TMEM101: variants seen among roughly 807,000 people sequenced by gnomAD.
The protein encoded by TMEM101 is transmembrane protein 101.
TMEM101 carries 14 observed loss-of-function variants against 26.0 expected under a neutral mutation model. That is an observed-to-expected ratio of 0.54 (90% CI 0.36 to 0.84). TMEM101 has a LOEUF of 0.84. Ranked by LOEUF, TMEM101 falls within the 40% of genes least tolerant of loss-of-function variation. The pLI, the probability that TMEM101 is intolerant of heterozygous loss-of-function variation, is 0.01. For missense variants in TMEM101, 292 were observed against 345.1 expected, an observed-to-expected ratio of 0.85 and a Z score of 1.22; for synonymous variants, 152 against 145.1, an observed-to-expected ratio of 1.05 and a Z score of -0.34.
In TMEM101 at chr17:44,012,078, A is replaced by G; in HGVS notation, c.624T>C (p.Ala208=). 2.5e-6 allele frequency: 4 copies of G among 1,614,264 alleles called. No individual in the cohort carries two copies. The highest frequency in any genetic ancestry group is 3.4e-6 in the Non-Finnish European group (4 of 1,180,050). Residue 208 remains alanine (A), a synonymous_variant, in exon 4 of 4, where the codon GCT becomes GCC. Coordinates refer to ENST00000206380, the MANE Select transcript of TMEM101 (RefSeq NM_032376.4). The part of the protein sequence containing the change: ...YYVTLAAQIL[A]VLLPPVMLLI... ...GCAGCATGACAGGGGGCAGCAGTAC[A>G]GCCAGGATCTGGGCAGCGAGGGTCA...
At chr17:44,016,567 A>AGATGCTC (rs1167680770), upstream of TMEM101, among the ~76,000 whole-genome samples, 1 of 152,168 alleles carries the variant, frequency 6.6e-6, no homozygotes, top group Non-Finnish European at 1.5e-5. Flanking sequence ...TACTGTTTAC[A>AGATGCTC]GATGCTCCTT....
intron 1 of TMEM101, among the ~76,000 whole-genome samples, chr17:44,022,770 GGTCC>G (rs2049297175): frequency 6.6e-6 from 1 of 152,156 alleles, no homozygotes; most frequent in Non-Finnish European, 1.5e-5. Context: ...CTCCCAGCCT[GGTCC>G]TTGCAGCCGA....
In TMEM101 at chr17:44,020,148, A is replaced by G. The variant is rs34924950; in HGVS notation, c.-210+1174T>C. Among the ~76,000 whole-genome samples, 74 of 152,324 alleles carry G rather than the reference A, an allele frequency of 4.9e-4. 1 individual carries two copies. The highest frequency in any genetic ancestry group is 2.5e-3 in the South Asian group (12 of 4,828). ...CGTCACCAGGGAGTCCGGCGCATTC[A>G]TAACCAGCAATGTTTGTAAGCATCT... On this transcript the variant is annotated intron_variant, in intron 2 of 4. Transcript: ENST00000585950.
chr17:44,013,196 G>A (rs756691400), intron 2 of TMEM101, 41 bp from the exon 3 acceptor site: 6 of 1,484,560 alleles, frequency 4.0e-6, no homozygotes, highest in African/African-American at 2.8e-5. Context: ...AACTGCAGCC[G>A]CCACATCTCT....
upstream of TMEM101, among the ~76,000 whole-genome samples, chr17:44,019,656 T>C (rs2049268391): frequency 2.6e-5 from 4 of 152,374 alleles, no homozygotes; most frequent in African/African-American, 9.6e-5. Context: ...GACCATTGTT[T>C]GTGTCCATGT....
At chr17:44,015,864 G>A (rs970646170), upstream of TMEM101, among the ~76,000 whole-genome samples, 1 of 152,110 alleles carries the variant, frequency 6.6e-6, no homozygotes. Flanking sequence ...TGCCCTGAGA[G>A]AAAAAGGAGA....
chr17:44,018,753 C>A (rs1337758111), upstream of TMEM101, among the ~76,000 whole-genome samples: 1 of 152,194 alleles, frequency 6.6e-6, no homozygotes, highest in Non-Finnish European at 1.5e-5. Context: ...AAGTCTCCAG[C>A]AGCAGTGGCC....
upstream of TMEM101, among the ~76,000 whole-genome samples, chr17:44,016,862 C>T (rs946743327): frequency 2.0e-5 from 3 of 152,138 alleles, no homozygotes; most frequent in African/African-American, 7.2e-5. Flanking sequence ...GGGCTGGGCG[C>T]GGTGGCTAAC....
At chr17:44,022,237 G>A (rs536281664) in intron 1 of TMEM101, among the ~76,000 whole-genome samples, 3 of 152,130 alleles carry the variant, frequency 2.0e-5, no homozygotes, top group Non-Finnish European at 4.4e-5. Context: ...TATTCCATAG[G>A]ATGCCAAGGA....
chr17:44,015,822 A>C (rs751565891), upstream of TMEM101, among the ~76,000 whole-genome samples: 1 of 152,178 alleles, frequency 6.6e-6, no homozygotes, highest in Non-Finnish European at 1.5e-5. Flanking sequence ...CTCCTGGCTC[A>C]AAGTCACCTC....
In TMEM101 at chr17:44,014,892, C is replaced by T. The variant is rs906385936; in HGVS notation, c.61G>A (p.Val21Met). ...MLQLIMQLGS[V>M]LLTRCPFWGC... Reference sequence around the variant, plus strand: ...CAAAAGGGGCAGCGTGTGAGCAGCACCGAACCCAACTGCATGATCAGCTGC... The same window carrying T: ...CAAAAGGGGCAGCGTGTGAGCAGCATCGAACCCAACTGCATGATCAGCTGC... Residue 21 changes from valine to methionine, a missense_variant, in exon 1 of 4, where the codon GTG (valine) becomes ATG (methionine). Transcript: ENST00000206380. 5 of 1,614,098 alleles carry T rather than the reference C, an allele frequency of 3.1e-6. No individual in the cohort carries two copies. Among genetic ancestry groups the T allele is most frequent in the Non-Finnish European group, 3.4e-6 (4 of 1,179,968 alleles).
chr17:44,021,857 T>C (rs961202216), intron 1 of TMEM101, among the ~76,000 whole-genome samples: 1 of 152,258 alleles, frequency 6.6e-6, no homozygotes, highest in Non-Finnish European at 1.5e-5. Flanking sequence ...TGCCGGCCTC[T>C]GGCAGCTTCC....
Position 44,012,013 on chromosome 17 carries a change from C to T in TMEM101, c.689G>A (p.Arg230His), listed in dbSNP as rs773435165. Residue 230 changes from arginine to histidine, a missense_variant, in exon 4 of 4, where the codon CGT becomes CAT. Arg to His is a conservative substitution (Grantham distance 29). This residue lies in a region of TMEM101 where 149 missense variants were observed against 211.9 expected (regional missense o/e 0.70). Transcript: ENST00000206380. ...CTTCATCTGGTTCCAGAACTCAACA[C>T]GCCGCGTGTTGTGCCAGTAAGCAAC... The part of the protein sequence containing the change: ...GNVAYWHNTR[R>H]VEFWNQMKLL... The T allele has an allele frequency of 1.4e-5, 23 of 1,614,068 alleles. No individual in the cohort carries two copies. Among genetic ancestry groups the T allele is most frequent in the Admixed American group, 8.3e-5 (5 of 60,000 alleles).
Position 44,011,671 on chromosome 17 carries a change from G to T in TMEM101, c.*257C>A. On this transcript the variant is annotated 3_prime_UTR_variant, in exon 4 of 4. Coordinates refer to ENST00000206380, the MANE Select transcript of TMEM101 (RefSeq NM_032376.4). Reference sequence around the variant, plus strand: ...CCTTCTCAGGGACAGGAGACTCAGTGGGCAGCTGGCCTCAGCTCTCCTAAC... The same window carrying T: ...CCTTCTCAGGGACAGGAGACTCAGTTGGCAGCTGGCCTCAGCTCTCCTAAC... 1 of 493,414 alleles carries T rather than the reference G, an allele frequency of 2.0e-6. No homozygotes were observed. 30.6% of individuals were successfully genotyped at this position (493,414 alleles called of 1,614,324 possible).
intron 3 of TMEM101, 178 bp downstream of exon 3, chr17:44,012,831 C>T: frequency 1.8e-6 from 1 of 560,530 alleles, no homozygotes; most frequent in Non-Finnish European, 2.9e-6. Flanking sequence ...GGCCTCTCAA[C>T]AGGCATTTGG....
At chr17:44,015,135 C>G (rs1011717995), upstream of TMEM101, 3 of 673,516 alleles carry the variant, frequency 4.5e-6, no homozygotes. Flanking sequence ...GCTCATGGAG[C>G]CTTCAGGGCC....
At chr17:44,023,155 C>A, upstream of TMEM101, 1 of 211,610 alleles carries the variant, frequency 4.7e-6, no homozygotes, top group Non-Finnish European at 9.8e-6. Context: ...AGTCTGGGAC[C>A]CTAGCTCTTT....
In TMEM101 at chr17:44,013,119, C is replaced by T. The variant is rs756889358; in HGVS notation, c.355G>A (p.Gly119Ser). ...MYSRTVAIIG[G>S]FLVLASGAGE... ...GCACCGCTGGCCAACACAAGAAAGC[C>T]GCCGATGATGGCAACTGTGCGCGAG... The change falls in exon 3 of 4, where the codon GGC becomes AGC. Residue 119 changes from glycine to serine, a missense_variant. This residue lies in a region of TMEM101 where 149 missense variants were observed against 211.9 expected (regional missense o/e 0.70). Transcript: ENST00000206380. 8 of 1,606,252 alleles carry T rather than the reference C, an allele frequency of 5.0e-6. No individual in the cohort carries two copies. Among genetic ancestry groups the T allele is most frequent in the Admixed American group, 3.3e-5 (2 of 59,760 alleles).
At chr17:44,018,525 A>G (rs530230464), upstream of TMEM101, among the ~76,000 whole-genome samples, 5 of 152,356 alleles carry the variant, frequency 3.3e-5, no homozygotes, top group Non-Finnish European at 7.3e-5. Context: ...ATATAGGCAC[A>G]TAGTACAGAA....
Sources: gnomAD v4.1 joint callset for allele counts (sites outside exome capture counted in the v4.1 genomes callset) on GRCh38, gnomAD v4.1.1 for gene constraint, gnomAD v4.1.1 regional missense constraint, MANE v1.5 for transcripts, NCBI Gene and HGNC (gene_info 2026-07-23, HGNC 2026-07-21) for gene names.